AHRR: variants seen among roughly 807,000 people sequenced by gnomAD.
AHRR encodes the protein aryl hydrocarbon receptor repressor, also known as ahR repressor.
In AHRR, 28 loss-of-function variants were observed where a neutral mutation model predicts 44.0. That is an observed-to-expected ratio of 0.64 (90% CI 0.47 to 0.87). The LOEUF is 0.87. Ranked by LOEUF, AHRR falls within the 40% of genes least tolerant of loss-of-function variation. The probability of loss-of-function intolerance (pLI) is 0.00; values close to 1 mark genes in which losing one functional copy is unlikely to be tolerated. For synonymous variants in AHRR, 434 were observed against 407.0 expected, an observed-to-expected ratio of 1.07 and a Z score of -0.80; for missense variants, 990 against 953.9, an observed-to-expected ratio of 1.04 and a Z score of -0.50.
At chr5:394,621 C>T (rs1401336489) in intron 4 of AHRR, among the ~76,000 whole-genome samples, 3 of 150,696 alleles carry the variant, frequency 2.0e-5, no homozygotes, top group Non-Finnish European at 4.4e-5. Flanking sequence ...CTGGAGCCCT[C>T]TTGTCTCTCC....
intron 4 of AHRR, among the ~76,000 whole-genome samples, chr5:401,512 G>T (rs938829037): frequency 2.0e-5 from 3 of 152,252 alleles, no homozygotes; most frequent in Non-Finnish European, 2.9e-5. Context: ...AGCACAGGCA[G>T]GGACGATCCT....
chr5:389,614 T>C (rs1029214726), intron 4 of AHRR, among the ~76,000 whole-genome samples: 1 of 151,788 alleles, frequency 6.6e-6, no homozygotes, highest in African/African-American at 2.4e-5. Flanking sequence ...CTGGGAGCCC[T>C]GGACACCGAG....
chr5:364,716 T>G (rs1743296311), intron 3 of AHRR, among the ~76,000 whole-genome samples: 1 of 151,980 alleles, frequency 6.6e-6, no homozygotes, highest in South Asian at 2.1e-4. Flanking sequence ...AAGATAAAGA[T>G]TATTAAAGTG....
intron 2 of AHRR, among the ~76,000 whole-genome samples, chr5:345,461 G>A (rs1057373430): frequency 5.2e-5 from 6 of 115,484 alleles, no homozygotes; most frequent in East Asian, 2.7e-4. Flanking sequence ...TGTGTGTGTC[G>A]GATGATGTCC....
rs1250211346 is a variant in AHRR at position 370,043 on chromosome 5, CCGGG to C, written c.245-6565_245-6562del. 2.6e-5 allele frequency among the ~76,000 whole-genome samples: 4 copies of C among 152,156 alleles called. No homozygotes were observed. Among genetic ancestry groups the C allele is most frequent in the Non-Finnish European group, 5.9e-5 (4 of 68,024 alleles). ...GCTCTGAGAGCACTGCCCTGCCCTC[CCGGG>C]CTCTTGCTGGTGCCCCATCCTCCCG... On this transcript the variant is annotated intron_variant, in intron 3 of 10. Coordinates refer to ENST00000684583, the MANE Select transcript of AHRR (RefSeq NM_001377236.1). This position sits in a 1 kb window ranked among gnomAD's most constrained non-coding sequence, Gnocchi z 4.5.
At chr5:354,956 C>T (rs990526375) in intron 3 of AHRR, among the ~76,000 whole-genome samples, 1 of 152,226 alleles carries the variant, frequency 6.6e-6, no homozygotes, top group East Asian at 1.9e-4. Flanking sequence ...CAGTGCCGGC[C>T]CCACACTGAG....
At chr5:325,223 C>T (rs1486915865) in intron 1 of AHRR, among the ~76,000 whole-genome samples, 7 of 152,248 alleles carry the variant, frequency 4.6e-5, no homozygotes, top group Admixed American at 4.6e-4. Flanking sequence ...TGTGGCTCTG[C>T]ACTCATTTGG....
In AHRR at chr5:376,658, C is replaced by T. The variant is rs762814318; in HGVS notation, c.293C>T (p.Pro98Leu). 4.1e-6 allele frequency: 6 copies of T among 1,464,158 alleles called. No homozygotes were observed. The highest frequency in any genetic ancestry group is 1.8e-4 in the Middle Eastern group (1 of 5,490). The allele number at this position is 1,464,158 out of a possible 1,614,324, so 90.7% of individuals were successfully genotyped here. ...CAGCCTGCGGCCGGCGCCCCCTCGC[C>T]CGGAGACAGCTGTCCTCTTGCAGGG... ...SRQPAAGAPS[P>L]GDSCPLAGSA... The change falls in exon 4 of 11, where the codon CCC becomes CTC. Residue 98 changes from proline (P) to leucine (L), a missense_variant. Pro to Leu is a moderately conservative substitution (Grantham distance 98). Transcript: ENST00000684583.
intron 5 of AHRR, among the ~76,000 whole-genome samples, chr5:416,083 C>G (rs144187236): frequency 5.6e-4 from 86 of 152,338 alleles, no homozygotes; most frequent in Non-Finnish European, 1.2e-3. Context: ...TTGGGATGGC[C>G]TCTCCCCCAG....
At chr5:329,147 G>C (rs966347976) in intron 1 of AHRR, among the ~76,000 whole-genome samples, 2 of 152,010 alleles carry the variant, frequency 1.3e-5, no homozygotes, top group Non-Finnish European at 2.9e-5. Context: ...GTCTTTTTTG[G>C]TCCTTATGAA....
At chr5:389,387 G>A (rs75655955) in intron 4 of AHRR, among the ~76,000 whole-genome samples, 1,986 of 152,312 alleles carry the variant, frequency 0.013, 36 homozygotes, top group African/African-American at 0.045. Flanking sequence ...GTGCCCGAGC[G>A]ACTCGGATCA....
At chr5:361,981 T>C (rs1020967078) in intron 3 of AHRR, among the ~76,000 whole-genome samples, 3 of 152,164 alleles carry the variant, frequency 2.0e-5, no homozygotes, top group Admixed American at 6.5e-5. Flanking sequence ...GAGGCAAGGA[T>C]TGAATGTTAT....
rs951134 is a variant in AHRR at position 342,080 on chromosome 5, T to A, written c.-10-1813T>A. Among the ~76,000 whole-genome samples the A allele has an allele frequency of 0.42, 64,216 of 152,102 alleles. 15,457 individuals carry two copies. The highest frequency in any genetic ancestry group is 0.55 in the Non-Finnish European group (37,467 of 67,954). On this transcript the variant is annotated intron_variant, in intron 1 of 10. Transcript: ENST00000684583. This position sits in a 1 kb window ranked among gnomAD's most constrained non-coding sequence, Gnocchi z 4.3. ...ACTTTGATTTCTGTTTTTAAAAAAA[T>A]TGTTAAGGATAGTTTTAAGTCCCAG...
chr5:401,390 G>T (rs1735007641), intron 4 of AHRR, among the ~76,000 whole-genome samples: 2 of 152,202 alleles, frequency 1.3e-5, no homozygotes, highest in African/African-American at 4.8e-5. Flanking sequence ...TTTCTGGGTT[G>T]CTCCCTGTCT....
Position 422,787 on chromosome 5 carries a change from T to A in AHRR, c.500T>A (p.Phe167Tyr). Residue 167 changes from phenylalanine to tyrosine, a missense_variant, in exon 6 of 11, where the codon TTC becomes TAC. By Grantham distance (22) the Phe-to-Tyr change is conservative (BLOSUM62 3). Transcript: ENST00000684583. The part of the protein sequence containing the change: ...DYIHVDDRQD[F>Y]CRQLHWAMDP... The stretch of plus-strand genomic sequence containing the variant: ...ATCCACGTGGACGACCGCCAGGACT[T>A]CTGCCGGCAGCTCCACTGGGCCATG... 1 of 1,614,126 alleles carries A rather than the reference T, an allele frequency of 6.2e-7. No individual in the cohort carries two copies. Among genetic ancestry groups the A allele is most frequent in the Middle Eastern group, 1.6e-4 (1 of 6,062 alleles).
chr5:371,981 C>G (rs1012443910), intron 3 of AHRR, among the ~76,000 whole-genome samples: 1 of 152,204 alleles, frequency 6.6e-6, no homozygotes, highest in African/African-American at 2.4e-5. Context: ...CACTCAGGCC[C>G]CGCCGAGGGC....
intron 5 of AHRR, among the ~76,000 whole-genome samples, chr5:414,210 G>C (rs374984969): frequency 2.0e-5 from 3 of 152,118 alleles, no homozygotes; most frequent in African/African-American, 7.2e-5. Flanking sequence ...TTGCAGTGAG[G>C]TGAGATCGAG....
At chr5:427,467 C>T (rs969763722) in intron 7 of AHRR, among the ~76,000 whole-genome samples, 10 of 152,342 alleles carry the variant, frequency 6.6e-5, no homozygotes, top group Admixed American at 4.6e-4. Context: ...CGGCTGTGGG[C>T]AGGTGGCAGG....
At chr5:330,915 C>G (rs1026443777) in intron 1 of AHRR, among the ~76,000 whole-genome samples, 10 of 146,058 alleles carry the variant, frequency 6.8e-5, no homozygotes, top group African/African-American at 2.3e-4. Flanking sequence ...GGTCTGTCAC[C>G]CAGGCTGGAG....
Sources: gnomAD v4.1 joint callset for allele counts (sites outside exome capture counted in the v4.1 genomes callset) on GRCh38, gnomAD v4.1.1 for gene constraint, Gnocchi (gnomAD v3.1) non-coding constraint, MANE v1.5 for transcripts, NCBI Gene and HGNC (gene_info 2026-07-23, HGNC 2026-07-21) for gene names.